The following FAM177A1 variants were observed in gnomAD, a reference collection of about 807,000 sequenced individuals.
FAM177A1 encodes protein FAM177A1.
FAM177A1 carries 22 observed loss-of-function variants against 26.1 expected under a neutral mutation model. The ratio of observed to expected loss-of-function variants is 0.84; its 90% confidence interval spans 0.60 to 1.20. The LOEUF is 1.20. Among genes scored for constraint, FAM177A1 ranks in the 50% most tolerant of loss-of-function variants. FAM177A1 has a pLI of 0.00. For synonymous variants in FAM177A1, 95 were observed against 99.3 expected (o/e 0.96, Z 0.26); for missense variants, 296 against 291.1 (o/e 1.02, Z -0.12).
At chr14:35,079,103 T>A in intron 4 of FAM177A1, 79 bp downstream of exon 4, 1 of 1,011,648 alleles carries the variant, frequency 9.9e-7, no homozygotes, top group African/African-American at 1.7e-5. Context: ...GCCTATGTAT[T>A]TTCTAACTGC....
At chr14:35,070,960 C>T (rs1389029547) in intron 2 of FAM177A1, among the ~76,000 whole-genome samples, 2 of 151,494 alleles carry the variant, frequency 1.3e-5, no homozygotes, top group South Asian at 2.1e-4. Flanking sequence ...GGGTGAATTA[C>T]ATTTTTCTTA....
chr14:35,077,643 C>T (rs1380950636), intron 3 of FAM177A1, among the ~76,000 whole-genome samples: 8 of 151,686 alleles, frequency 5.3e-5, no homozygotes, highest in Non-Finnish European at 1.2e-4. Context: ...CCACCGCGCC[C>T]GGCTAATTTT....
intron 1 of FAM177A1, among the ~76,000 whole-genome samples, chr14:35,048,582 T>A (rs2044912726): frequency 6.7e-6 from 1 of 149,392 alleles, no homozygotes; most frequent in Non-Finnish European, 1.5e-5. Flanking sequence ...TATTATTAAA[T>A]ATTAAATATC....
chr14:35,077,973 A>C (rs934142787), intron 3 of FAM177A1, among the ~76,000 whole-genome samples: 1 of 152,240 alleles, frequency 6.6e-6, no homozygotes, highest in Non-Finnish European at 1.5e-5. Flanking sequence ...GAAATGAATT[A>C]TCAACTTATA....
At chr14:35,063,467 G>T (rs1450512697) in intron 2 of FAM177A1, among the ~76,000 whole-genome samples, 3 of 151,390 alleles carry the variant, frequency 2.0e-5, no homozygotes, top group Non-Finnish European at 4.4e-5. Flanking sequence ...AATCCCAGCC[G>T]CTTGGGAGGC....
At chr14:35,048,620 T>C (rs2044913621) in intron 1 of FAM177A1, among the ~76,000 whole-genome samples, 1 of 151,202 alleles carries the variant, frequency 6.6e-6, no homozygotes, top group Admixed American at 6.6e-5. Context: ...CACCAATGAG[T>C]TCCATTTTCT....
Position 35,046,287 on chromosome 14 carries a change from A to C in FAM177A1, c.-177A>C, listed in dbSNP as rs532303828. The C allele has an allele frequency of 6.1e-4, 405 of 667,328 alleles. No homozygotes were observed. In the African/African-American group the frequency reaches 6.5e-3, roughly 11 times the overall value. 41.3% of individuals were successfully genotyped at this position (667,328 alleles called of 1,614,324 possible). A position where few individuals can be genotyped will look rare whatever the true frequency, so the allele number is the denominator to read the frequency against. Reference sequence around the variant, plus strand: ...TGCGCCTCCCAGACTGCAGTTGGCCAGCTCTCGGGGTGCGGAGCCCGGCGG... The same window carrying C: ...TGCGCCTCCCAGACTGCAGTTGGCCCGCTCTCGGGGTGCGGAGCCCGGCGG... On this transcript the variant is annotated 5_prime_UTR_variant, in exon 1 of 5. Coordinates refer to ENST00000280987, the MANE Select transcript of FAM177A1 (RefSeq NM_173607.5).
At chr14:35,060,402 A>G (rs1172568226) in intron 2 of FAM177A1, among the ~76,000 whole-genome samples, 1 of 152,066 alleles carries the variant, frequency 6.6e-6, no homozygotes, top group Non-Finnish European at 1.5e-5. Flanking sequence ...CATATTTATA[A>G]AAGCTATTTG....
chr14:35,065,357 CTT>C (rs1181451849), intron 2 of FAM177A1, among the ~76,000 whole-genome samples: 33 of 91,872 alleles, frequency 3.6e-4, no homozygotes, highest in South Asian at 7.4e-4. Context: ...TCCATTGAAT[CTT>C]TTTTTTTTTT....
intron 1 of FAM177A1, among the ~76,000 whole-genome samples, chr14:35,049,652 G>T (rs2044931927): frequency 6.6e-6 from 1 of 152,116 alleles, no homozygotes; most frequent in African/African-American, 2.4e-5. Context: ...GGGCATTATG[G>T]CTCACGCCTG....
chr14:35,069,265 A>G (rs1595051601), intron 2 of FAM177A1, among the ~76,000 whole-genome samples: 1 of 150,694 alleles, frequency 6.6e-6, no homozygotes, highest in Non-Finnish European at 1.5e-5. Flanking sequence ...ACAACAGCCA[A>G]TGCTTATCCA....
chr14:35,083,376 G>T lies in FAM177A1; in HGVS notation c.*2148G>T, dbSNP rs918309330. ...GCAAACTATAAAATTTCCCATAAATGTATTCAATGGTTTGTCTTACTTTAA... is the reference window on the plus strand; with the variant it reads ...GCAAACTATAAAATTTCCCATAAATTTATTCAATGGTTTGTCTTACTTTAA... On this transcript the variant is annotated 3_prime_UTR_variant, in exon 5 of 5. Coordinates refer to ENST00000280987, the MANE Select transcript of FAM177A1 (RefSeq NM_173607.5). 2.2e-4 allele frequency: 34 copies of T among 152,736 alleles called. No homozygotes were observed. Among genetic ancestry groups the T allele is most frequent in the African/African-American group, 8.2e-4 (34 of 41,572 alleles). 9.5% of individuals were successfully genotyped at this position (152,736 alleles called of 1,614,324 possible).
intron 2 of FAM177A1, among the ~76,000 whole-genome samples, chr14:35,071,125 T>A (rs2138560202): frequency 6.6e-6 from 1 of 152,044 alleles, no homozygotes; most frequent in African/African-American, 2.4e-5. Flanking sequence ...GCCTCCTGAG[T>A]AGCTGGGACT....
chr14:35,066,174 T>C (rs1209989183), intron 2 of FAM177A1, among the ~76,000 whole-genome samples: 1 of 151,932 alleles, frequency 6.6e-6, no homozygotes, highest in Non-Finnish European at 1.5e-5. Flanking sequence ...TCAAACGATC[T>C]TTCCACCTCA....
chr14:35,052,165 G>A (rs2044981902), intron 1 of FAM177A1, among the ~76,000 whole-genome samples: 1 of 152,038 alleles, frequency 6.6e-6, no homozygotes, highest in African/African-American at 2.4e-5. Flanking sequence ...TACCCATGGG[G>A]TAACCACTGT....
intron 2 of FAM177A1, among the ~76,000 whole-genome samples, chr14:35,074,475 G>A (rs935840450): frequency 6.6e-6 from 1 of 151,948 alleles, no homozygotes; most frequent in Non-Finnish European, 1.5e-5. Flanking sequence ...ACAGGTGCAC[G>A]CCACCATGCC....
rs1025569523 is a variant in FAM177A1, at chr14:35,046,426, A to G, written c.-38A>G. ...GGGCGGGTGAGTCCCACTTCCCGAC[A>G]GCCTGGCTCGGCCAGCGACTGGGCG... On this transcript the variant is annotated 5_prime_UTR_variant, in exon 1 of 5. Transcript: ENST00000280987. 4.0e-6 allele frequency: 6 copies of G among 1,497,456 alleles called. No homozygotes were observed. The Admixed American group carries it at 6.5e-5, about 16-fold the overall frequency. The allele number at this position is 1,497,456 out of a possible 1,614,324, so 92.8% of individuals were successfully genotyped here.
chr14:35,068,682 C>A (rs1295621234), intron 2 of FAM177A1, among the ~76,000 whole-genome samples: 2 of 152,150 alleles, frequency 1.3e-5, no homozygotes, highest in Non-Finnish European at 2.9e-5. Context: ...TCTTTTTACC[C>A]CTTCAGATAT....
At chr14:35,071,128 C>T (rs1178441816) in intron 2 of FAM177A1, among the ~76,000 whole-genome samples, 1 of 151,870 alleles carries the variant, frequency 6.6e-6, no homozygotes, top group African/African-American at 2.4e-5. Context: ...TCCTGAGTAG[C>T]TGGGACTACA....
Sources: allele counts gnomAD v4.1 joint callset (sites outside exome capture counted in the v4.1 genomes callset), GRCh38; gene constraint gnomAD v4.1.1; transcripts MANE v1.5; gene names NCBI Gene and HGNC (gene_info 2026-07-23, HGNC 2026-07-21).